The following BRF1 variants were observed in gnomAD, a reference collection of about 807,000 sequenced individuals.
BRF1 encodes transcription factor IIIB 90 kDa subunit.
In BRF1, 59 loss-of-function variants were observed where a neutral mutation model predicts 81.7. The ratio of observed to expected loss-of-function variants is 0.72; its 90% CI spans 0.59 to 0.90. The LOEUF (loss-of-function observed/expected upper bound fraction) is 0.90, where lower values mean the gene tolerates loss of function less well. Ranked by LOEUF, BRF1 falls within the 40% of genes least tolerant of loss-of-function variation. The pLI is 0.00. For synonymous variants in BRF1, 491 were observed against 395.6 expected (o/e 1.24, Z -2.86); for missense variants, 1,050 against 936.3 (o/e 1.12, Z -1.58).
At chr14:105,212,218 C>A in intron 15 of BRF1, 54 bp from the exon 16 acceptor site, 7 of 1,575,746 alleles carry the variant, frequency 4.4e-6, no homozygotes, top group Non-Finnish European at 6.0e-6. Context: ...GAACGCCTGC[C>A]CACTTGTTCC....
chr14:105,219,089 G>A (rs1891816463), intron 13 of BRF1, 36 bp from the exon 14 acceptor site: 1 of 1,612,266 alleles, frequency 6.2e-7, no homozygotes. Context: ...GTCACTGAGG[G>A]CCCACGCCCC....
At chr14:105,255,447 C>T (rs925543857) in intron 4 of BRF1, among the ~76,000 whole-genome samples, 1 of 152,256 alleles carries the variant, frequency 6.6e-6, no homozygotes, top group African/African-American at 2.4e-5. Flanking sequence ...CTGCCAAAGG[C>T]GGAAAGCCCT....
At chr14:105,220,172 T>C in intron 11 of BRF1, 42 bp from the exon 12 acceptor site, 4 of 1,611,200 alleles carry the variant, frequency 2.5e-6, no homozygotes, top group Non-Finnish European at 3.4e-6. Context: ...GGGCCAGCAC[T>C]GATTATAGGA....
intron 1 of BRF1, chr14:105,314,927 G>A: frequency 9.2e-7 from 1 of 1,081,522 alleles, no homozygotes; most frequent in African/African-American, 1.7e-5. Flanking sequence ...CCATGGCCGA[G>A]CGAGGCCGCC....
intron 5 of BRF1, chr14:105,249,555 A>T: frequency 5.0e-6 from 8 of 1,591,920 alleles, no homozygotes; most frequent in Non-Finnish European, 6.8e-6. Context: ...GGAAGCACAC[A>T]GGAGCTGATG....
chr14:105,223,963 C>G (rs1053635877), intron 10 of BRF1, among the ~76,000 whole-genome samples: 1 of 152,206 alleles, frequency 6.6e-6, no homozygotes, highest in Non-Finnish European at 1.5e-5. Flanking sequence ...TAATGCCGCA[C>G]CCAATAGTTT....
chr14:105,248,944 T>C, intron 5 of BRF1: 1 of 977,688 alleles, frequency 1.0e-6, no homozygotes, highest in South Asian at 4.7e-5. Context: ...GGCGCCGCCG[T>C]GGGCAGGAAG....
intron 1 of BRF1, among the ~76,000 whole-genome samples, chr14:105,293,321 G>T (rs186337404): frequency 6.6e-6 from 1 of 152,170 alleles, no homozygotes; most frequent in Non-Finnish European, 1.5e-5. Flanking sequence ...CGGCTGCATC[G>T]TGACCCCAAA....
chr14:105,217,187 G>T (rs150768572), intron 15 of BRF1: 1 of 378,724 alleles, frequency 2.6e-6, no homozygotes, highest in Non-Finnish European at 4.9e-6. Flanking sequence ...GCCAGGGTGC[G>T]CAGAGCAGGC....
intron 1 of BRF1, among the ~76,000 whole-genome samples, chr14:105,296,385 C>T (rs1177030342): frequency 1.3e-5 from 2 of 152,010 alleles, no homozygotes; most frequent in Admixed American, 6.6e-5. Flanking sequence ...TGGTGCTGGG[C>T]GCCTGTAATC....
rs1053130297 is a variant in BRF1 at position 105,314,975 on chromosome 14, C to A, written c.-162+347G>T. ...GCGCGCCCGGCGCGCTCAACACGCC[C>A]GTGCCCATGAACCTGTTCGCCACCT... On this transcript the variant is annotated intron_variant, in intron 1 of 17. Coordinates refer to the BRF1 transcript ENST00000327359. 10 of 1,243,376 alleles carry A rather than the reference C, an allele frequency of 8.0e-6. No individual in the cohort carries two copies. In the African/African-American group the frequency reaches 1.3e-4, roughly 16 times the overall value. The allele number at this position is 1,243,376 out of a possible 1,614,324, so 77.0% of individuals were successfully genotyped here. A position where few individuals can be genotyped will look rare whatever the true frequency, so the allele number is the denominator to read the frequency against.
At chr14:105,287,273 A>G (rs997144034) in intron 1 of BRF1, among the ~76,000 whole-genome samples, 8 of 152,222 alleles carry the variant, frequency 5.3e-5, no homozygotes, top group Non-Finnish European at 1.0e-4. Context: ...CGATCGCTGC[A>G]GCCTGATCTC....
rs1377764746 is a variant in BRF1 at position 105,220,076 on chromosome 14, A to C, written c.1370T>G (p.Ile457Ser). The C allele has an allele frequency of 6.2e-7, 1 of 1,612,958 alleles. No individual in the cohort carries two copies. The highest frequency in any genetic ancestry group is 8.5e-7 in the Non-Finnish European group (1 of 1,179,996). ...LDLSGIDDLE[I>S]DRYILNESEA... Reference sequence around the variant, plus strand: ...AGGGGTGCTGCCACGTACCCTGTCAATCTCCAGGTCATCAATGCCACTGAG... The same window carrying C: ...AGGGGTGCTGCCACGTACCCTGTCACTCTCCAGGTCATCAATGCCACTGAG... Residue 457 changes from isoleucine (I) to serine (S), a missense_variant, in exon 12 of 18, where the codon ATT becomes AGT. By Grantham distance (142) the Ile-to-Ser change is moderately radical. Transcript: ENST00000547530.
rs1302043020 is a variant in BRF1, at chr14:105,269,305, G to A, written c.439+3416C>T. Among the ~76,000 whole-genome samples the A allele has an allele frequency of 6.6e-6, 1 of 152,152 alleles. No homozygotes were observed. The highest frequency in any genetic ancestry group is 6.5e-5 in the Admixed American group (1 of 15,280). ...CGAAGCATCCTCTGAGGATGCTGAA[G>A]GGAGCCCCACCAGGCCACCAGCAGC... On this transcript the variant is annotated intron_variant, in intron 3 of 17. Transcript: ENST00000547530. This position sits in a 1 kb window ranked among gnomAD's most constrained non-coding sequence, Gnocchi z 5.0.
chr14:105,297,380 A>G (rs1177694644), intron 1 of BRF1, among the ~76,000 whole-genome samples: 1 of 152,004 alleles, frequency 6.6e-6, no homozygotes, highest in Non-Finnish European at 1.5e-5. Flanking sequence ...CAGCCTGGCC[A>G]ATGTGGTGAA....
upstream of BRF1, among the ~76,000 whole-genome samples, chr14:105,304,763 C>G (rs2058134332): frequency 6.6e-6 from 1 of 152,254 alleles, no homozygotes; most frequent in Non-Finnish European, 1.5e-5. Flanking sequence ...CAAGGAGGAG[C>G]AAGTCACGTC....
At chr14:105,279,455 T>G (rs2056979288) in intron 2 of BRF1, among the ~76,000 whole-genome samples, 1 of 152,132 alleles carries the variant, frequency 6.6e-6, no homozygotes, top group African/African-American at 2.4e-5. Context: ...TGAGCAAAGG[T>G]TGTGGCCATA....
At chr14:105,311,656 G>A (rs1458163134) in intron 1 of BRF1, among the ~76,000 whole-genome samples, 1 of 152,194 alleles carries the variant, frequency 6.6e-6, no homozygotes, top group East Asian at 1.9e-4. Context: ...CAACCCCGGG[G>A]TTGATTCCAG....
chr14:105,215,440 C>G (rs890244803), intron 15 of BRF1, among the ~76,000 whole-genome samples: 1 of 152,006 alleles, frequency 6.6e-6, no homozygotes, highest in Non-Finnish European at 1.5e-5. Context: ...GTCACAGATA[C>G]AGGCACACAC....
Sources: allele counts gnomAD v4.1 joint callset (sites outside exome capture counted in the v4.1 genomes callset), GRCh38; gene constraint gnomAD v4.1.1; non-coding constraint Gnocchi (gnomAD v3.1); transcripts MANE v1.5; gene names NCBI Gene and HGNC (gene_info 2026-07-23, HGNC 2026-07-21).